NCL: variants seen among roughly 807,000 people sequenced by gnomAD.
NCL encodes nucleolin multifunctional protein.
NCL carries 4 observed loss-of-function variants against 77.7 expected under a neutral mutation model. That is an observed-to-expected ratio of 0.05 (90% CI 0.03 to 0.12). The LOEUF is 0.12. Ranked by LOEUF, NCL falls within the 10% of genes least tolerant of loss-of-function variation. The pLI is 1.00. For missense variants in NCL, 763 were observed against 860.9 expected (o/e 0.89, Z 1.42); for synonymous variants, 344 against 297.8 (o/e 1.16, Z -1.60).
At chr2:231,457,518 T>A in intron 9 of NCL, 125 bp downstream of exon 9, 1 of 978,188 alleles carries the variant, frequency 1.0e-6, no homozygotes. Flanking sequence ...GGGTATCATG[T>A]CCTTGATCTT....
At chr2:231,460,333 G>T (rs923038390) in intron 5 of NCL, 40 bp from the exon 6 acceptor site, 2 of 1,613,998 alleles carry the variant, frequency 1.2e-6, no homozygotes, top group Non-Finnish European at 1.7e-6. Flanking sequence ...TTGTAGTGTG[G>T]TAAAAAGTTA....
intron 2 of NCL, 123 bp from the exon 3 acceptor site, chr2:231,462,140 AT>A: frequency 8.1e-7 from 1 of 1,236,250 alleles, no homozygotes; most frequent in Non-Finnish European, 1.2e-6. Context: ...CACTAGACAC[AT>A]TAGCATGTTA....
rs1296544872 is a variant in NCL at position 231,460,279 on chromosome 2, T to G, written c.913A>C (p.Thr305Pro). The G allele has an allele frequency of 9.3e-6, 15 of 1,613,988 alleles. No homozygotes were observed. The highest frequency in any genetic ancestry group is 1.3e-5 in the African/African-American group (1 of 74,922). ...TTTCCAACAAAGAGATTGAAAGCCG[T>G]AGTCGGTTCTGTGCCTGCACAAAAA... is the stretch of plus-strand genomic sequence containing the variant. Reference protein sequence around the residue: ...KQKVEGTEPTTAFNLFVGNLN... With the variant: ...KQKVEGTEPTPAFNLFVGNLN... Residue 305 changes from threonine to proline, a missense_variant, in exon 6 of 14, where the codon ACG (threonine) becomes CCG (proline). Around this residue, in one of 2 missense-constraint regions of NCL, gnomAD observed 590 missense variants for 570.5 expected, o/e 1.03. Transcript: ENST00000322723.
rs772556779 is a variant in NCL, at chr2:231,455,368, G to A, written c.2056+33C>T. On this transcript the variant is annotated intron_variant, in intron 13 of 13. Transcript: ENST00000322723. ...AGGGCACAGGGTCTGAAGAGCACAT[G>A]CTATGTGGTGTCATTATCTCTGCGT... 1.6e-5 allele frequency: 26 copies of A among 1,613,372 alleles called. No individual in the cohort carries two copies. In the South Asian group the frequency reaches 2.6e-4, roughly 16 times the overall value.
At chr2:231,456,249 G>C (rs753117391) in intron 11 of NCL, 113 bp from the exon 12 acceptor site, 4 of 1,405,970 alleles carry the variant, frequency 2.8e-6, no homozygotes, top group Non-Finnish European at 3.9e-6. Flanking sequence ...TGAAAAAGCA[G>C]TTAAAAGCAA....
chr2:231,462,171 GTTGTC>G, intron 2 of NCL, 154 bp from the exon 3 acceptor site: 2 of 1,016,090 alleles, frequency 2.0e-6, no homozygotes, highest in Non-Finnish European at 3.1e-6. Context: ...CTTCTGTTAT[GTTGTC>G]TTAAGTCAGA....
intron 12 of NCL, 97 bp from the exon 13 acceptor site, chr2:231,455,721 C>T: frequency 7.1e-7 from 1 of 1,411,804 alleles, no homozygotes; most frequent in Non-Finnish European, 1.0e-6. Flanking sequence ...CAGAAAGTAG[C>T]CTTGTTTATT....
chr2:231,455,367 T>A (rs986213015), intron 13 of NCL, 34 bp downstream of exon 13: 1 of 1,613,672 alleles, frequency 6.2e-7, no homozygotes, highest in Non-Finnish European at 8.5e-7. Flanking sequence ...GAAGAGCACA[T>A]GCTATGTGGT....
rs2046911752 is a variant in NCL at position 231,458,349 on chromosome 2, G to A, written c.1206C>T (p.Tyr402=). 1.2e-6 allele frequency: 2 copies of A among 1,613,988 alleles called. No individual in the cohort carries two copies. The highest frequency in any genetic ancestry group is 8.5e-7 in the Non-Finnish European group (1 of 1,179,942). Residue 402 remains tyrosine, a synonymous_variant, in exon 8 of 14, where the codon TAC becomes TAT. Coordinates refer to ENST00000322723, the MANE Select transcript of NCL (RefSeq NM_005381.3). ...ARTLLAKNLP[Y]KVTQDELKEV... is the part of the protein sequence containing the mutation. ...CTTTCAATTCATCCTGAGTGACTTT[G>A]TAAGGGAGATTTTTAGCCAAAAGTG...
intron 2 of NCL, chr2:231,462,420 T>C: frequency 2.5e-6 from 1 of 394,686 alleles, no homozygotes; most frequent in South Asian, 1.8e-5. Flanking sequence ...TTAAATCATT[T>C]GGGGCTCCTA....
At chr2:231,456,819 T>A (rs2046893505) in intron 10 of NCL, 55 bp from the exon 11 acceptor site, 3 of 1,603,606 alleles carry the variant, frequency 1.9e-6, no homozygotes, top group Non-Finnish European at 1.7e-6. Flanking sequence ...GCTCCTTCAC[T>A]GTCACATGAT....
intron 9 of NCL, chr2:231,457,403 T>A (rs1179162331): frequency 6.7e-6 from 5 of 749,610 alleles, no homozygotes; most frequent in Non-Finnish European, 1.2e-5. Flanking sequence ...GTATAAAACA[T>A]GCCTACAAAG....
rs773390191 is a variant in NCL, at chr2:231,461,985, A to G, written c.168T>C (p.Ala56=). The part of the protein sequence containing the change: ...VVIPQKKGKK[A]AATSAKKVVV... ...CCACCTTCTTTGCTGAGGTTGCAGC[A>G]GCCTTCTTGCCTTTCTTCTGAGGTA... The change falls in exon 3 of 14, where the codon GCT becomes GCC. Residue 56 remains alanine, a synonymous_variant. Coordinates refer to ENST00000322723, the MANE Select transcript of NCL (RefSeq NM_005381.3). 5.6e-6 allele frequency: 9 copies of G among 1,614,102 alleles called. No homozygotes were observed. Among genetic ancestry groups the G allele is most frequent in the Middle Eastern group, 1.6e-4 (1 of 6,084 alleles).
At chr2:231,462,543 G>A in intron 2 of NCL, 1 of 515,798 alleles carries the variant, frequency 1.9e-6, no homozygotes, top group Admixed American at 2.0e-5. Context: ...CAAAGAGTGT[G>A]CATGGTAGTT....
intron 8 of NCL, among the ~76,000 whole-genome samples, 160 bp from the exon 9 acceptor site, chr2:231,457,960 T>G (rs1023509262): frequency 6.6e-6 from 1 of 152,214 alleles, no homozygotes; most frequent in African/African-American, 2.4e-5. Context: ...TACTTCCCAC[T>G]AGTTTTACAA....
chr2:231,460,748 G>C lies in NCL; in HGVS notation c.732C>G (p.Asp244Glu). The C allele has an allele frequency of 6.2e-7, 1 of 1,612,114 alleles. No individual in the cohort carries two copies. Among genetic ancestry groups the C allele is most frequent in the Non-Finnish European group, 8.5e-7 (1 of 1,178,528 alleles). ...EDEDEEEDDE[D>E]EDDDDDEDDE... ...CATCTTCGTCGTCGTCGTCATCCTC[G>C]TCCTCATCATCCTCTTCTTCATCTT... The change falls in exon 4 of 14, where the codon GAC (aspartate) becomes GAG (glutamate). Residue 244 changes from aspartate (D) to glutamate (E), a missense_variant. By Grantham distance (45) the Asp-to-Glu change is conservative. Transcript: ENST00000322723.
intron 9 of NCL, 128 bp downstream of exon 9, chr2:231,457,515 A>G: frequency 2.1e-6 from 2 of 954,288 alleles, no homozygotes; most frequent in East Asian, 4.9e-5. Flanking sequence ...TTGGGGTATC[A>G]TGTCCTTGAT....
At position 231,453,857 on chromosome 2, in the gene NCL, C is replaced by G. The variant is rs1283807274; in HGVS notation, c.*1334G>C. The G allele has an allele frequency of 6.6e-6, 1 of 152,208 alleles. No individual in the cohort carries two copies. The highest frequency in any genetic ancestry group is 1.5e-5 in the Non-Finnish European group (1 of 68,038). The allele number at this position is 152,208 out of a possible 1,614,324, so 9.4% of individuals were successfully genotyped here. On this transcript the variant is annotated 3_prime_UTR_variant, in exon 14 of 14. Transcript: ENST00000322723. Reference sequence around the variant, plus strand: ...TCCTTCTAAGCTTATCCAAGTATCACAGTTTGATTTCACTAGTTGGACTAG... The same window carrying G: ...TCCTTCTAAGCTTATCCAAGTATCAGAGTTTGATTTCACTAGTTGGACTAG...
At chr2:231,455,305 T>C (rs1319918920) in intron 13 of NCL, 38 bp from the exon 14 acceptor site, 21 of 1,613,692 alleles carry the variant, frequency 1.3e-5, no homozygotes, top group Non-Finnish European at 1.8e-5. Context: ...AAAGAATGGG[T>C]ACAAAGCTCC....
Sources: gnomAD v4.1 joint callset for allele counts (sites outside exome capture counted in the v4.1 genomes callset) on GRCh38, gnomAD v4.1.1 for gene constraint, gnomAD v4.1.1 regional missense constraint, MANE v1.5 for transcripts, NCBI Gene and HGNC (gene_info 2026-07-23, HGNC 2026-07-21) for gene names.